Variants in RBFOX3 observed in about 807,000 individuals in gnomAD.
The protein encoded by RBFOX3 is RNA binding fox-1 homolog 3.
In RBFOX3, 17 loss-of-function variants were observed where a neutral mutation model predicts 48.7. That is an observed-to-expected ratio of 0.35 (90% CI 0.24 to 0.52). The LOEUF is 0.52. Among genes scored for constraint, RBFOX3 ranks in the 20% least tolerant of loss-of-function variants. The pLI, the probability that RBFOX3 is intolerant of heterozygous loss-of-function variation, is 0.94. For synonymous variants in RBFOX3, 212 were observed against 209.5 expected, an observed-to-expected ratio of 1.01 and a Z score of -0.10; for missense variants, 382 against 497.5, an observed-to-expected ratio of 0.77 and a Z score of 2.21.
intron 1 of RBFOX3, among the ~76,000 whole-genome samples, chr17:79,493,645 G>A (rs1373009204): frequency 1.3e-5 from 2 of 152,176 alleles, no homozygotes; most frequent in Admixed American, 1.3e-4. Flanking sequence ...GTTGCAAGTT[G>A]TAATTATATT....
At chr17:79,179,494 C>A (rs1409067727) in intron 4 of RBFOX3, among the ~76,000 whole-genome samples, 1 of 152,158 alleles carries the variant, frequency 6.6e-6, no homozygotes, top group Non-Finnish European at 1.5e-5. Flanking sequence ...CCCAGGAAGA[C>A]CCTGGGTCCT....
the RBFOX3 span, among the ~76,000 whole-genome samples, chr17:79,620,531 G>A: frequency 5.1e-5 from 7 of 138,446 alleles, no homozygotes; most frequent in African/African-American, 8.3e-5. Flanking sequence ...ATGCATACGC[G>A]CACATGCACA....
At chr17:79,209,691 G>A (rs1452070258) in intron 4 of RBFOX3, among the ~76,000 whole-genome samples, 1 of 152,110 alleles carries the variant, frequency 6.6e-6, no homozygotes, top group Non-Finnish European at 1.5e-5. Flanking sequence ...TGGCTCACAT[G>A]TGCTATGAAA....
At chr17:79,655,948 G>A in the RBFOX3 span, among the ~76,000 whole-genome samples, 2 of 152,044 alleles carry the variant, frequency 1.3e-5, no homozygotes, top group African/African-American at 4.8e-5. Context: ...CTAAACCTCT[G>A]GATGCCATTC....
intron 3 of RBFOX3, among the ~76,000 whole-genome samples, chr17:79,276,129 G>GAT (rs2068760897): frequency 6.6e-6 from 1 of 152,166 alleles, no homozygotes; most frequent in African/African-American, 2.4e-5. Context: ...CAAAGGCCCC[G>GAT]CGTGGCATGA....
In RBFOX3 at chr17:79,111,808, T is replaced by A. The variant is rs1241235824; in HGVS notation, c.222+3686A>T. On this transcript the variant is annotated intron_variant, in intron 5 of 14. Transcript: ENST00000693108. This position sits in a 1 kb window ranked among gnomAD's most constrained non-coding sequence, Gnocchi z 4.2. ...GTACTGGCACCTGCGTGACCCCGAG[T>A]GAGTGAATACATGCTCCAGATGGTG... 1.3e-5 allele frequency among the ~76,000 whole-genome samples: 2 copies of A among 152,040 alleles called. No homozygotes were observed. The highest frequency in any genetic ancestry group is 1.3e-4 in the Admixed American group (2 of 15,280).
At chr17:79,424,730 G>T (rs1447068580) in intron 2 of RBFOX3, among the ~76,000 whole-genome samples, 3 of 152,188 alleles carry the variant, frequency 2.0e-5, no homozygotes, top group Admixed American at 6.5e-5. Context: ...CTCGGGCCGG[G>T]CCGGAGCTCC....
intron 2 of RBFOX3, among the ~76,000 whole-genome samples, chr17:79,445,069 C>T (rs1031995378): frequency 1.3e-5 from 2 of 152,124 alleles, no homozygotes; most frequent in African/African-American, 4.8e-5. Flanking sequence ...TGTGTTGGAG[C>T]CTGTGTCAGG....
chr17:79,563,370 C>T (rs1278174910), intron 1 of RBFOX3, among the ~76,000 whole-genome samples: 1 of 152,238 alleles, frequency 6.6e-6, no homozygotes, highest in African/African-American at 2.4e-5. Flanking sequence ...CGCCTCGCTT[C>T]CGTCTGCAAG....
At chr17:79,520,319 G>A (rs1334858439) in intron 1 of RBFOX3, among the ~76,000 whole-genome samples, 1 of 152,222 alleles carries the variant, frequency 6.6e-6, no homozygotes, top group African/African-American at 2.4e-5. Flanking sequence ...CGGAGACTGG[G>A]GACGTGCAGG....
At chr17:79,604,027 C>A in intron 1 of RBFOX3, 1 of 152,402 alleles carries the variant, frequency 6.6e-6, no homozygotes, top group East Asian at 1.9e-4. Context: ...CCCTGATGGG[C>A]TTTAAGAGCT....
chr17:79,658,810 A>G, the RBFOX3 span, among the ~76,000 whole-genome samples: 2 of 152,194 alleles, frequency 1.3e-5, no homozygotes, highest in African/African-American at 2.4e-5. Context: ...AAACACAGAA[A>G]CAAGAGCTTA....
chr17:79,476,849 A>G (rs2077845582), intron 2 of RBFOX3, among the ~76,000 whole-genome samples: 1 of 151,702 alleles, frequency 6.6e-6, no homozygotes, highest in Non-Finnish European at 1.5e-5. Flanking sequence ...ACAGAGAAGG[A>G]GGAAGAGGAG....
the RBFOX3 span, among the ~76,000 whole-genome samples, chr17:79,657,887 T>A: frequency 6.6e-6 from 1 of 151,924 alleles, no homozygotes; most frequent in South Asian, 2.1e-4. Context: ...TGCATCAGAG[T>A]AACACCAAGG....
In RBFOX3 at chr17:79,243,490, T is replaced by C. The variant is rs965581447; in HGVS notation, c.-73-7685A>G. ...AAGCCCATGTGCCTTTGCCCTGGGG[T>C]GTCATTTGGGACTGTGGAGTCGACC... On this transcript the variant is annotated intron_variant, in intron 3 of 14. Transcript: ENST00000693108. The surrounding 1 kb of genome is among the most constrained non-coding windows in gnomAD (Gnocchi z 7.9). 6.6e-6 allele frequency among the ~76,000 whole-genome samples: 1 copy of C among 151,626 alleles called. No individual in the cohort carries two copies. The highest frequency in any genetic ancestry group is 2.4e-5 in the African/African-American group (1 of 41,328).
intron 4 of RBFOX3, among the ~76,000 whole-genome samples, chr17:79,145,322 G>A (rs916022077): frequency 1.4e-4 from 22 of 152,204 alleles, no homozygotes; most frequent in African/African-American, 3.1e-4. Flanking sequence ...ATAAGTTCCC[G>A]ATGTGCGTGG....
At chr17:79,275,937 C>T (rs974029942) in intron 3 of RBFOX3, among the ~76,000 whole-genome samples, 2 of 152,218 alleles carry the variant, frequency 1.3e-5, no homozygotes, top group Admixed American at 6.5e-5. Flanking sequence ...TTCATTGCAG[C>T]GTCATTCACC....
intron 4 of RBFOX3, among the ~76,000 whole-genome samples, chr17:79,175,304 C>A (rs1599812467): frequency 1.3e-5 from 2 of 152,370 alleles, no homozygotes; most frequent in South Asian, 4.1e-4. Flanking sequence ...GCTCCAGGGA[C>A]AGGGAGCTCA....
chr17:79,399,955 T>C (rs939064277), intron 2 of RBFOX3, among the ~76,000 whole-genome samples: 1 of 152,222 alleles, frequency 6.6e-6, no homozygotes, highest in African/African-American at 2.4e-5. Context: ...TCTGGAGATA[T>C]CCAGGTTCAC....
Sources: gnomAD v4.1 joint callset for allele counts (sites outside exome capture counted in the v4.1 genomes callset) on GRCh38, gnomAD v4.1.1 for gene constraint, Gnocchi (gnomAD v3.1) non-coding constraint, MANE v1.5 for transcripts, NCBI Gene and HGNC (gene_info 2026-07-23, HGNC 2026-07-21) for gene names.